The following PLCE1 variants were observed in gnomAD, a reference collection of about 807,000 sequenced individuals.
The protein encoded by PLCE1 is phospholipase C epsilon 1.
Under a neutral mutation model 242.8 loss-of-function variants are expected in PLCE1, and 119 were observed. The ratio of observed to expected loss-of-function variants is 0.49; its 90% CI spans 0.42 to 0.57. The LOEUF is 0.57. Among genes scored for constraint, PLCE1 ranks in the 20% least tolerant of loss-of-function variants. The probability of loss-of-function intolerance (pLI) is 0.00; values close to 1 mark genes in which losing one functional copy is unlikely to be tolerated. For synonymous variants in PLCE1, 945 were observed against 1,017.4 expected (o/e 0.93, Z 1.35); for missense variants, 2,441 against 2,788.8 (o/e 0.88, Z 2.81).
chr10:94,025,351 A>G (rs925923230), intron 1 of PLCE1, among the ~76,000 whole-genome samples: 52 of 152,180 alleles, frequency 3.4e-4, no homozygotes, highest in African/African-American at 1.2e-3. Context: ...TGAGGAAATG[A>G]GAACAGATTT....
chr10:94,009,004 A>G (rs1376687850), intron 1 of PLCE1, among the ~76,000 whole-genome samples: 1 of 152,182 alleles, frequency 6.6e-6, no homozygotes, highest in Non-Finnish European at 1.5e-5. Flanking sequence ...GGGGTCAACT[A>G]GTAACACACC....
At position 94,184,395 on chromosome 10, in the gene PLCE1, G is replaced by A. The variant is rs369951620; in HGVS notation, c.1809+12899G>A. Among the ~76,000 whole-genome samples, 60 of 152,230 alleles carry A rather than the reference G, an allele frequency of 3.9e-4. 1 individual carries two copies. The highest frequency in any genetic ancestry group is 1.7e-3 in the East Asian group (9 of 5,172). On this transcript the variant is annotated intron_variant, in intron 4 of 32. Transcript: ENST00000371380. ...CCAGGCTGGAGTGCAATGGCACGACGGTCAGCTCACTGCAACCTCCACCTC... is the reference window on the plus strand; with the variant it reads ...CCAGGCTGGAGTGCAATGGCACGACAGTCAGCTCACTGCAACCTCCACCTC...
intron 11 of PLCE1, among the ~76,000 whole-genome samples, chr10:94,255,571 G>A (rs1009735713): frequency 6.6e-6 from 1 of 152,136 alleles, no homozygotes; most frequent in African/African-American, 2.4e-5. Context: ...TTTGCTAATC[G>A]ATGAAATATA....
chr10:94,321,312 T>C (rs548727383), intron 29 of PLCE1, among the ~76,000 whole-genome samples: 20 of 152,190 alleles, frequency 1.3e-4, no homozygotes, highest in African/African-American at 4.8e-4. Flanking sequence ...TTTCTACAAA[T>C]TTACCTACAG....
intron 3 of PLCE1, among the ~76,000 whole-genome samples, chr10:94,143,552 G>C (rs951409081): frequency 1.3e-5 from 2 of 152,118 alleles, no homozygotes; most frequent in Non-Finnish European, 2.9e-5. Context: ...TAACATGTGG[G>C]TCAGTAGCAA....
chr10:94,156,015 C>T (rs2047422224), intron 3 of PLCE1, among the ~76,000 whole-genome samples: 1 of 152,072 alleles, frequency 6.6e-6, no homozygotes, highest in South Asian at 2.1e-4. Flanking sequence ...ACATAAATAG[C>T]TTAGCAATGT....
chr10:94,050,493 G>A (rs772232849), intron 2 of PLCE1, among the ~76,000 whole-genome samples: 12 of 151,990 alleles, frequency 7.9e-5, no homozygotes, highest in Non-Finnish European at 1.5e-4. Context: ...TGAGATTTGG[G>A]TGGGGACACA....
At position 94,205,041 on chromosome 10, in the gene PLCE1, A is replaced by C. The variant is rs1414614466; in HGVS notation, c.1810-22265A>C. 3.3e-5 allele frequency among the ~76,000 whole-genome samples: 5 copies of C among 152,260 alleles called. No homozygotes were observed. In the South Asian group the frequency reaches 8.3e-4, roughly 25 times the overall value. ...AGGATAAAGCTTAGAAAATCTAAGG[A>C]ATGAATACCTGGTATGACTTTTAAG... On this transcript the variant is annotated intron_variant, in intron 4 of 32. Coordinates refer to ENST00000371380, the MANE Select transcript of PLCE1 (RefSeq NM_016341.4).
intron 24 of PLCE1, among the ~76,000 whole-genome samples, chr10:94,301,612 A>G (rs1049730619): frequency 2.6e-5 from 4 of 152,116 alleles, no homozygotes; most frequent in Non-Finnish European, 4.4e-5. Context: ...ACTTATGGCC[A>G]TCCCTTCCCA....
chr10:94,159,363 A>T (rs2047535774), intron 3 of PLCE1, among the ~76,000 whole-genome samples: 1 of 152,148 alleles, frequency 6.6e-6, no homozygotes, highest in Non-Finnish European at 1.5e-5. Flanking sequence ...TAAACCCATC[A>T]CTTCCCTGTT....
chr10:94,047,455 A>G (rs185902661), intron 2 of PLCE1, among the ~76,000 whole-genome samples: 252 of 152,208 alleles, frequency 1.7e-3, no homozygotes, highest in African/African-American at 5.8e-3. Context: ...CCCTTTTGCC[A>G]TTTTGTTTTA....
At chr10:94,053,346 A>T (rs1180720809) in intron 2 of PLCE1, among the ~76,000 whole-genome samples, 2 of 152,242 alleles carry the variant, frequency 1.3e-5, no homozygotes, top group African/African-American at 2.4e-5. Flanking sequence ...TGTCATTATG[A>T]TCTCTGTGAC....
At position 94,254,216 on chromosome 10, in the gene PLCE1, T is replaced by C. The variant is rs1273995574; in HGVS notation, c.3306T>C (p.Asp1102=). 2 of 1,613,874 alleles carry C rather than the reference T, an allele frequency of 1.2e-6. No homozygotes were observed. The highest frequency in any genetic ancestry group is 1.7e-5 in the Admixed American group (1 of 59,996). Residue 1102 remains aspartate (D), a synonymous_variant, in exon 10 of 33, where the codon GAT becomes GAC. Transcript: ENST00000371380. ...MRGESGEVTD[D]EMATRKAKMH... ...GTGAGAGTGGAGAGGTAACTGACGA[T>C]GAGATGGCAACCCGAAAGGCCAAGA...
At chr10:94,193,625 C>T (rs534868435) in intron 4 of PLCE1, among the ~76,000 whole-genome samples, 1 of 152,046 alleles carries the variant, frequency 6.6e-6, no homozygotes, top group African/African-American at 2.4e-5. Context: ...CTTTTGTTGG[C>T]AAAAGAAAGT....
chr10:94,245,798 T>C, intron 7 of PLCE1, 148 bp from the exon 8 acceptor site: 1 of 725,196 alleles, frequency 1.4e-6, no homozygotes, highest in Non-Finnish European at 2.4e-6. Flanking sequence ...TTATTAGAAG[T>C]TACTGTGTGC....
At chr10:94,183,730 C>G (rs1178785528) in intron 4 of PLCE1, among the ~76,000 whole-genome samples, 1 of 152,182 alleles carries the variant, frequency 6.6e-6, no homozygotes, top group African/African-American at 2.4e-5. Context: ...GTGCTGGCAT[C>G]CACTTCTGGT....
intron 4 of PLCE1, among the ~76,000 whole-genome samples, chr10:94,216,626 T>C (rs1034598279): frequency 6.6e-6 from 1 of 152,114 alleles, no homozygotes; most frequent in Admixed American, 6.6e-5. Context: ...GCTTCAGGGA[T>C]GGAATCTCTC....
At position 94,030,871 on chromosome 10, in the gene PLCE1, C is replaced by T; in HGVS notation, c.-176C>T. ...ATATATTCATGATAGGAAGTTATAA[C>T]TAAGAAAATTTATTTGCCTCTTAAT... On this transcript the variant is annotated 5_prime_UTR_variant, in exon 2 of 33. Coordinates refer to ENST00000371380, the MANE Select transcript of PLCE1 (RefSeq NM_016341.4). 1 of 647,070 alleles carries T rather than the reference C, an allele frequency of 1.5e-6. No homozygotes were observed. The highest frequency in any genetic ancestry group is 2.7e-6 in the Non-Finnish European group (1 of 369,268). 40.1% of individuals were successfully genotyped at this position (647,070 alleles called of 1,614,324 possible). A position where few individuals can be genotyped will look rare whatever the true frequency, so the allele number is the denominator to read the frequency against.
intron 2 of PLCE1, among the ~76,000 whole-genome samples, chr10:94,085,214 AC>A (rs2044771822): frequency 6.6e-6 from 1 of 152,068 alleles, no homozygotes; most frequent in Admixed American, 6.6e-5. Context: ...GGGACATTAG[AC>A]CCTGCAAAAT....
Sources: allele counts gnomAD v4.1 joint callset (sites outside exome capture counted in the v4.1 genomes callset), GRCh38; gene constraint gnomAD v4.1.1; transcripts MANE v1.5; gene names NCBI Gene and HGNC (gene_info 2026-07-23, HGNC 2026-07-21).